BCAS4: variants seen among roughly 807,000 people sequenced by gnomAD.
The protein encoded by BCAS4 is breast carcinoma-amplified sequence 4.
BCAS4 carries 9 observed loss-of-function variants against 15.7 expected under a neutral mutation model. The ratio of observed to expected loss-of-function variants is 0.57; its 90% CI spans 0.34 to 1.00. The LOEUF (loss-of-function observed/expected upper bound fraction) is 1.00, where lower values mean the gene tolerates loss of function less well. BCAS4 is among the 50% of genes least tolerant of loss of function. The pLI is 0.02. For synonymous variants in BCAS4, 101 were observed against 99.5 expected (o/e 1.02, Z -0.09); for missense variants, 225 against 239.1 (o/e 0.94, Z 0.39).
At chr20:50,820,349 G>A (rs1158877509) in intron 2 of BCAS4, among the ~76,000 whole-genome samples, 1 of 152,174 alleles carries the variant, frequency 6.6e-6, no homozygotes, top group East Asian at 1.9e-4. Flanking sequence ...GCTAAGTCCT[G>A]CCTAGGAAAT....
intron 1 of BCAS4, among the ~76,000 whole-genome samples, chr20:50,804,264 C>A (rs1486864338): frequency 6.6e-6 from 1 of 152,160 alleles, no homozygotes; most frequent in Non-Finnish European, 1.5e-5. Context: ...ATCTCGAACT[C>A]CTGACCTCCA....
chr20:50,869,592 C>T (rs1979530381), intron 4 of BCAS4, among the ~76,000 whole-genome samples: 1 of 152,066 alleles, frequency 6.6e-6, no homozygotes, highest in African/African-American at 2.4e-5. Context: ...CCTGGCCTTG[C>T]AACTGGGTAG....
At chr20:50,869,245 C>A (rs529357589) in intron 4 of BCAS4, among the ~76,000 whole-genome samples, 3 of 152,218 alleles carry the variant, frequency 2.0e-5, no homozygotes, top group Non-Finnish European at 4.4e-5. Flanking sequence ...CTGGGGGTGC[C>A]CAGTGCCCTG....
chr20:50,868,739 A>G (rs759569181), intron 4 of BCAS4, among the ~76,000 whole-genome samples: 1 of 152,120 alleles, frequency 6.6e-6, no homozygotes, highest in Non-Finnish European at 1.5e-5. Context: ...TCATTATCTA[A>G]ATAACCCGGG....
intron 4 of BCAS4, among the ~76,000 whole-genome samples, chr20:50,855,358 A>T (rs575007561): frequency 6.6e-6 from 1 of 150,580 alleles, no homozygotes; most frequent in South Asian, 2.1e-4. Context: ...GCGTCTCTCC[A>T]TGTGTCTCTG....
intron 2 of BCAS4, among the ~76,000 whole-genome samples, chr20:50,824,302 G>T (rs1452100144): frequency 6.6e-6 from 1 of 152,224 alleles, no homozygotes; most frequent in Non-Finnish European, 1.5e-5. Flanking sequence ...TGGCGTGGGT[G>T]CATGTTCTTG....
intron 4 of BCAS4, among the ~76,000 whole-genome samples, chr20:50,853,138 C>CTT (rs1978533136): frequency 7.1e-6 from 1 of 140,014 alleles, no homozygotes; most frequent in Non-Finnish European, 1.5e-5. Flanking sequence ...CATCCCCTTT[C>CTT]ATTTTTTTTT....
intron 4 of BCAS4, among the ~76,000 whole-genome samples, chr20:50,861,666 G>A (rs143709934): frequency 4.6e-5 from 7 of 152,112 alleles, no homozygotes; most frequent in African/African-American, 1.2e-4. Context: ...CCCTTGGAGC[G>A]ACTACCCCAG....
intron 1 of BCAS4, among the ~76,000 whole-genome samples, chr20:50,797,050 C>T (rs929561051): frequency 3.9e-5 from 6 of 151,930 alleles, no homozygotes; most frequent in African/African-American, 4.8e-5. Context: ...GTTGCCCAGG[C>T]GGGTCTTGAA....
At chr20:50,873,139 G>A (rs906789048) in intron 4 of BCAS4, among the ~76,000 whole-genome samples, 4 of 152,204 alleles carry the variant, frequency 2.6e-5, no homozygotes, top group African/African-American at 7.2e-5. Flanking sequence ...GCCTAAAGAC[G>A]CCATCACATC....
intron 4 of BCAS4, among the ~76,000 whole-genome samples, chr20:50,852,907 C>G: frequency 6.6e-6 from 1 of 152,248 alleles, no homozygotes; most frequent in South Asian, 2.1e-4. Flanking sequence ...GCATTTGAGT[C>G]TCCTCAGCGG....
chr20:50,816,950 G>A (rs2088146641), intron 1 of BCAS4, among the ~76,000 whole-genome samples: 1 of 151,678 alleles, frequency 6.6e-6, no homozygotes, highest in Non-Finnish European at 1.5e-5. Context: ...GACTACAGGT[G>A]TGTGCCACCA....
At chr20:50,873,586 G>T (rs1166264168) in intron 4 of BCAS4, among the ~76,000 whole-genome samples, 1 of 152,250 alleles carries the variant, frequency 6.6e-6, no homozygotes, top group Non-Finnish European at 1.5e-5. Context: ...ACACCTGTGG[G>T]TTACCCACCA....
intron 4 of BCAS4, among the ~76,000 whole-genome samples, chr20:50,874,553 C>T (rs1979826800): frequency 6.6e-6 from 1 of 152,192 alleles, no homozygotes; most frequent in African/African-American, 2.4e-5. Context: ...AGTGCCATGC[C>T]CCATGAGGGC....
intron 1 of BCAS4, among the ~76,000 whole-genome samples, chr20:50,816,805 T>C (rs1473406923): frequency 8.7e-6 from 1 of 115,220 alleles, no homozygotes; most frequent in Admixed American, 8.7e-5. Context: ...TTTTTTTTTT[T>C]TTTTTTTTTT....
chr20:50,814,622 G>C (rs1025662990), intron 1 of BCAS4, among the ~76,000 whole-genome samples: 2 of 152,376 alleles, frequency 1.3e-5, no homozygotes, highest in East Asian at 1.9e-4. Context: ...TCTGGAGTTA[G>C]AGTGCTCAGG....
At chr20:50,855,667 C>T (rs1378706457) in intron 4 of BCAS4, among the ~76,000 whole-genome samples, 1 of 151,956 alleles carries the variant, frequency 6.6e-6, no homozygotes, top group Admixed American at 6.5e-5. Context: ...CAGGCTGGGC[C>T]GTGGGCACCC....
chr20:50,795,214 C>A (rs2087839448), intron 1 of BCAS4, 41 bp downstream of exon 1: 2 of 1,334,834 alleles, frequency 1.5e-6, no homozygotes, highest in African/African-American at 1.5e-5. Context: ...AGGGTTCTCG[C>A]GGTTAGGGGT....
intron 4 of BCAS4, chr20:50,875,888 T>C (rs542655335): frequency 8.4e-5 from 38 of 453,694 alleles, no homozygotes; most frequent in Middle Eastern, 4.1e-4. Flanking sequence ...CTTTGTCACA[T>C]GTCTACCCTT....
Sources: gnomAD v4.1 joint callset for allele counts (sites outside exome capture counted in the v4.1 genomes callset) on GRCh38, gnomAD v4.1.1 for gene constraint, MANE v1.5 for transcripts, NCBI Gene and HGNC (gene_info 2026-07-23, HGNC 2026-07-21) for gene names.